The following KCNIP4 variants were observed in gnomAD, a reference collection of about 807,000 sequenced individuals.
KCNIP4 encodes Kv channel-interacting protein 4.
KCNIP4 carries 12 observed loss-of-function variants against 34.0 expected under a neutral mutation model. The observed-to-expected ratio is 0.35, with a 90% CI of 0.23 to 0.57. KCNIP4 has a LOEUF of 0.57. Ranked by LOEUF, KCNIP4 falls within the 20% of genes least tolerant of loss-of-function variation. KCNIP4 has a pLI of 0.83. For missense variants in KCNIP4, 238 were observed against 311.7 expected (o/e 0.76, Z 1.78); for synonymous variants, 124 against 102.2 (o/e 1.21, Z -1.29).
chr4:21,454,241 C>A (rs889051236), intron 1 of KCNIP4, among the ~76,000 whole-genome samples: 4 of 152,076 alleles, frequency 2.6e-5, no homozygotes, highest in Non-Finnish European at 5.9e-5. Context: ...CGCTGCTGAA[C>A]GAGGTGCTTT....
At chr4:21,583,632 T>C (rs1402482023) in intron 1 of KCNIP4, among the ~76,000 whole-genome samples, 1 of 152,026 alleles carries the variant, frequency 6.6e-6, no homozygotes, top group Non-Finnish European at 1.5e-5. Context: ...GCAATTCCAA[T>C]ATAAATTTAT....
chr4:21,352,373 C>A (rs1718094706), intron 1 of KCNIP4, among the ~76,000 whole-genome samples: 1 of 152,174 alleles, frequency 6.6e-6, no homozygotes, highest in African/African-American at 2.4e-5. Flanking sequence ...CTTTCCTAGC[C>A]AAAGGAAGCC....
chr4:21,504,683 T>C (rs1459587298), intron 1 of KCNIP4, among the ~76,000 whole-genome samples: 1 of 152,150 alleles, frequency 6.6e-6, no homozygotes, highest in Non-Finnish European at 1.5e-5. Flanking sequence ...CCTTTCTAGC[T>C]TCTCAAGTTA....
chr4:21,770,733 G>T (rs112853421), intron 1 of KCNIP4, among the ~76,000 whole-genome samples: 2 of 151,900 alleles, frequency 1.3e-5, no homozygotes, highest in African/African-American at 4.8e-5. Context: ...TGTTGACCAC[G>T]TAAATGTCTT....
chr4:21,554,517 A>C (rs370548911), intron 1 of KCNIP4, among the ~76,000 whole-genome samples: 1 of 152,148 alleles, frequency 6.6e-6, no homozygotes, highest in Non-Finnish European at 1.5e-5. Context: ...ATGAGAAAAC[A>C]CCAAGAGCAA....
chr4:20,799,213 T>C (rs1468208744), intron 3 of KCNIP4, among the ~76,000 whole-genome samples: 1 of 152,196 alleles, frequency 6.6e-6, no homozygotes, highest in Non-Finnish European at 1.5e-5. Context: ...CATCCAGTGA[T>C]GGTCTGCCAG....
chr4:21,291,929 A>G (rs1311186026), intron 1 of KCNIP4, among the ~76,000 whole-genome samples: 1 of 92,600 alleles, frequency 1.1e-5, no homozygotes, highest in African/African-American at 7.5e-5. Flanking sequence ...GAAAGAAAGA[A>G]AGAAAGAAAA....
At chr4:21,711,073 T>C (rs183936148) in intron 1 of KCNIP4, among the ~76,000 whole-genome samples, 148 of 152,334 alleles carry the variant, frequency 9.7e-4, no homozygotes, top group Non-Finnish European at 1.9e-3. Flanking sequence ...ACATGTGATA[T>C]GTATGATCCT....
At chr4:21,599,132 G>A (rs1211916917) in intron 1 of KCNIP4, among the ~76,000 whole-genome samples, 1 of 152,100 alleles carries the variant, frequency 6.6e-6, no homozygotes, top group African/African-American at 2.4e-5. Context: ...TGTGGAGACA[G>A]GGACCCTTCG....
chr4:21,252,979 T>C (rs1760824664), intron 1 of KCNIP4, among the ~76,000 whole-genome samples: 1 of 152,070 alleles, frequency 6.6e-6, no homozygotes, highest in South Asian at 2.1e-4. Flanking sequence ...ATAAAGGGGT[T>C]GAAAGGGATG....
chr4:21,075,443 C>T (rs556766376), intron 1 of KCNIP4, among the ~76,000 whole-genome samples: 2 of 151,812 alleles, frequency 1.3e-5, no homozygotes, highest in East Asian at 1.9e-4. Context: ...CTGTTTTATC[C>T]GAGACTAGGA....
chr4:21,649,546 A>C (rs1440622255), intron 1 of KCNIP4, among the ~76,000 whole-genome samples: 5 of 152,196 alleles, frequency 3.3e-5, no homozygotes, highest in Non-Finnish European at 7.3e-5. Flanking sequence ...AGTTCCCTAC[A>C]TCTAGGGTGT....
chr4:21,046,535 A>T (rs1376348102), intron 1 of KCNIP4, among the ~76,000 whole-genome samples: 1 of 151,476 alleles, frequency 6.6e-6, no homozygotes, highest in Non-Finnish European at 1.5e-5. Flanking sequence ...ATATTCTATT[A>T]AAAAAAATAA....
intron 1 of KCNIP4, among the ~76,000 whole-genome samples, chr4:21,694,514 T>C (rs1244104612): frequency 6.6e-6 from 1 of 152,154 alleles, no homozygotes. Flanking sequence ...TGATCTGCCA[T>C]GATAAAAAAT....
intron 1 of KCNIP4, among the ~76,000 whole-genome samples, chr4:21,102,416 C>A (rs16870377): frequency 1.3e-3 from 202 of 152,148 alleles, no homozygotes; most frequent in African/African-American, 4.6e-3. Context: ...GGAAGAAAAG[C>A]AGATTTGGGA....
intron 1 of KCNIP4, among the ~76,000 whole-genome samples, chr4:21,715,752 C>T (rs2109086814): frequency 6.6e-6 from 1 of 152,046 alleles, no homozygotes; most frequent in East Asian, 1.9e-4. Flanking sequence ...TTGCATCCAT[C>T]AAAAAAAGTC....
rs529184855 is a variant in KCNIP4 at position 20,985,446 on chromosome 4, A to G, written c.62-102737T>C. 1.4e-4 allele frequency among the ~76,000 whole-genome samples: 22 copies of G among 152,318 alleles called. No homozygotes were observed. In the South Asian group the frequency reaches 2.3e-3, roughly 16 times the overall value. Reference sequence around the variant, plus strand: ...TAATCTACCACATAAGTGGCAGATTATAAGTTAATTCTAATCATTTTAACT... The same window carrying G: ...TAATCTACCACATAAGTGGCAGATTGTAAGTTAATTCTAATCATTTTAACT... On this transcript the variant is annotated intron_variant, in intron 1 of 8. Transcript: ENST00000382152.
chr4:21,009,859 G>C (rs1436338085), intron 1 of KCNIP4, among the ~76,000 whole-genome samples: 1 of 152,166 alleles, frequency 6.6e-6, no homozygotes, highest in Non-Finnish European at 1.5e-5. Flanking sequence ...CAACCGTCCT[G>C]ATTTTGTCTG....
intron 1 of KCNIP4, among the ~76,000 whole-genome samples, chr4:21,082,636 A>AG (rs1402316886): frequency 2.0e-5 from 3 of 151,686 alleles, no homozygotes; most frequent in African/African-American, 7.3e-5. Context: ...AAAGTCTTAC[A>AG]GGGAAAAAAA....
Sources: gnomAD v4.1 joint callset for allele counts (sites outside exome capture counted in the v4.1 genomes callset) on GRCh38, gnomAD v4.1.1 for gene constraint, MANE v1.5 for transcripts, NCBI Gene and HGNC (gene_info 2026-07-23, HGNC 2026-07-21) for gene names.